The following VTI1A variants were observed in gnomAD, a reference collection of about 807,000 sequenced individuals.
VTI1A encodes vesicle transport through interaction with t-SNAREs 1A.
VTI1A carries 22 observed loss-of-function variants against 34.9 expected under a neutral mutation model. The observed-to-expected ratio is 0.63, with a 90% CI of 0.45 to 0.90. The LOEUF (loss-of-function observed/expected upper bound fraction) is 0.90. Ranked by LOEUF, VTI1A falls within the 40% of genes least tolerant of loss-of-function variation. The pLI, the probability that VTI1A is intolerant of heterozygous loss-of-function variation, is 0.00. For missense variants in VTI1A, 268 were observed against 275.6 expected, an observed-to-expected ratio of 0.97 and a Z score of 0.20; for synonymous variants, 87 against 97.3, an observed-to-expected ratio of 0.89 and a Z score of 0.62.
At chr10:112,739,401 C>G (rs1850612624) in intron 7 of VTI1A, among the ~76,000 whole-genome samples, 1 of 152,148 alleles carries the variant, frequency 6.6e-6, no homozygotes, top group Admixed American at 6.5e-5. Context: ...AGTTGCATGT[C>G]CCACATGCTA....
chr10:112,768,053 A>G (rs1489211887), intron 7 of VTI1A, among the ~76,000 whole-genome samples: 1 of 152,190 alleles, frequency 6.6e-6, no homozygotes, highest in Non-Finnish European at 1.5e-5. Flanking sequence ...GGACCAAGCC[A>G]GGCTTCCCTC....
At chr10:112,789,330 TC>T (rs910302762) in intron 7 of VTI1A, among the ~76,000 whole-genome samples, 23 of 152,298 alleles carry the variant, frequency 1.5e-4, no homozygotes, top group African/African-American at 5.1e-4. Flanking sequence ...GGTTGATAAG[TC>T]CCCCACCTCA....
At chr10:112,447,098 T>G, upstream of VTI1A, 4 of 454,224 alleles carry the variant, frequency 8.8e-6, no homozygotes, top group Non-Finnish European at 8.2e-6. Flanking sequence ...TTCATACGCT[T>G]TTCTGGGGGG....
chr10:112,654,633 C>T (rs920807997), intron 5 of VTI1A, among the ~76,000 whole-genome samples: 1 of 152,126 alleles, frequency 6.6e-6, no homozygotes, highest in African/African-American at 2.4e-5. Flanking sequence ...GCTGGGACTA[C>T]AGGCACCCAC....
intron 7 of VTI1A, among the ~76,000 whole-genome samples, chr10:112,751,407 A>C (rs139293343): frequency 9.2e-5 from 14 of 151,696 alleles, no homozygotes; most frequent in African/African-American, 3.4e-4. Flanking sequence ...GTAGGTACTC[A>C]ATAATTAACT....
intron 7 of VTI1A, among the ~76,000 whole-genome samples, chr10:112,788,309 C>A (rs760744852): frequency 6.6e-6 from 1 of 151,988 alleles, no homozygotes; most frequent in Non-Finnish European, 1.5e-5. Flanking sequence ...TTTTGCTTCA[C>A]GTTTTTCAAG....
At chr10:112,502,844 C>T (rs1190730068) in intron 3 of VTI1A, among the ~76,000 whole-genome samples, 1 of 152,148 alleles carries the variant, frequency 6.6e-6, no homozygotes, top group African/African-American at 2.4e-5. Context: ...AAACTTCTTT[C>T]TTTTATCATA....
chr10:112,514,633 T>C (rs1849714569), intron 3 of VTI1A, among the ~76,000 whole-genome samples: 1 of 151,984 alleles, frequency 6.6e-6, no homozygotes, highest in South Asian at 2.1e-4. Context: ...AGACATTCAT[T>C]GCTATAAACT....
At chr10:112,697,404 T>TTTTCTTTTC (rs755644029) in intron 7 of VTI1A, among the ~76,000 whole-genome samples, 5 of 99,130 alleles carry the variant, frequency 5.0e-5, no homozygotes, top group Non-Finnish European at 9.1e-5. Flanking sequence ...CTTTTCTTTT[T>TTTTCTTTTC]TTTTTTTTTT....
At chr10:112,736,662 G>A in intron 7 of VTI1A, 10 of 1,549,528 alleles carry the variant, frequency 6.5e-6, no homozygotes, top group Non-Finnish European at 7.9e-6. Flanking sequence ...ACAAACTAGT[G>A]CATTTAGCAA....
chr10:112,605,812 G>T (rs1845055322), intron 5 of VTI1A, among the ~76,000 whole-genome samples: 2 of 152,266 alleles, frequency 1.3e-5, no homozygotes, highest in South Asian at 4.1e-4. Flanking sequence ...ATGGGAATTG[G>T]CACACACCCT....
At chr10:112,833,993 C>A in the VTI1A span, among the ~76,000 whole-genome samples, 51 of 152,188 alleles carry the variant, frequency 3.4e-4, no homozygotes, top group Non-Finnish European at 5.0e-4. Context: ...ACAAGCCAGA[C>A]TGCTGCTTGC....
intron 5 of VTI1A, among the ~76,000 whole-genome samples, chr10:112,574,779 G>T (rs1023731957): frequency 1.3e-5 from 2 of 152,144 alleles, no homozygotes; most frequent in Non-Finnish European, 1.5e-5. Context: ...TGGATGCATT[G>T]GGTCAGAGAA....
chr10:112,535,387 TAGAG>T (rs1850582335), intron 4 of VTI1A, among the ~76,000 whole-genome samples: 2 of 152,140 alleles, frequency 1.3e-5, no homozygotes, highest in South Asian at 2.1e-4. Flanking sequence ...ATAGTAATCA[TAGAG>T]AGAATGTTAC....
intron 7 of VTI1A, among the ~76,000 whole-genome samples, chr10:112,688,745 G>T (rs2133874943): frequency 6.6e-6 from 1 of 151,916 alleles, no homozygotes; most frequent in East Asian, 1.9e-4. Context: ...CATCATGTTG[G>T]CTAGGCTGGT....
chr10:112,802,874 A>G (rs924461425), intron 7 of VTI1A, among the ~76,000 whole-genome samples: 1 of 152,196 alleles, frequency 6.6e-6, no homozygotes, highest in African/African-American at 2.4e-5. Context: ...ATCACTCCAT[A>G]AAACAAGGGA....
chr10:112,764,488 C>T (rs928149499), intron 7 of VTI1A, among the ~76,000 whole-genome samples: 1 of 151,906 alleles, frequency 6.6e-6, no homozygotes, highest in Non-Finnish European at 1.5e-5. Flanking sequence ...ATTGTTAATT[C>T]TCTGTTTTAT....
intron 7 of VTI1A, among the ~76,000 whole-genome samples, chr10:112,718,506 T>C (rs114867559): frequency 0.018 from 2,743 of 152,358 alleles, 87 homozygotes; most frequent in African/African-American, 0.063. Context: ...ACTTTAATTC[T>C]TGTTTTTACA....
chr10:112,832,144 C>T, the VTI1A span: 16 of 152,336 alleles, frequency 1.1e-4, no homozygotes, highest in African/African-American at 2.9e-4. Flanking sequence ...ATCAAATGCC[C>T]GCCGAGTCTG....
Sources: gnomAD v4.1 joint callset for allele counts (sites outside exome capture counted in the v4.1 genomes callset) on GRCh38, gnomAD v4.1.1 for gene constraint, MANE v1.5 for transcripts, NCBI Gene and HGNC (gene_info 2026-07-23, HGNC 2026-07-21) for gene names.